MARF1: variants seen among roughly 807,000 people sequenced by gnomAD.
MARF1 encodes the protein meiosis regulator and mRNA stability factor 1.
In MARF1, 24 loss-of-function variants were observed where a neutral mutation model predicts 168.2. The observed-to-expected ratio is 0.14, with a 90% CI of 0.10 to 0.20. The LOEUF is 0.20. Among genes scored for constraint, MARF1 ranks in the 10% least tolerant of loss-of-function variants. The probability of loss-of-function intolerance (pLI) is 1.00; values close to 1 mark genes in which losing one functional copy is unlikely to be tolerated. For synonymous variants in MARF1, 868 were observed against 822.4 expected (o/e 1.06, Z -0.95); for missense variants, 1,744 against 2,143.6 (o/e 0.81, Z 3.68).
intron 13 of MARF1, among the ~76,000 whole-genome samples, 177 bp from the exon 14 acceptor site, chr16:15,617,712 C>T (rs1291191301): frequency 1.3e-5 from 2 of 152,180 alleles, no homozygotes; most frequent in Non-Finnish European, 2.9e-5. Context: ...ATGCTTGGTA[C>T]TCCTGAGTCG....
rs772881542 is a variant in MARF1 at position 15,604,304 on chromosome 16, C to G, written c.4277G>C (p.Trp1426Ser). Residue 1426 changes from tryptophan to serine, a missense_variant, in exon 22 of 27, where the codon TGG (tryptophan) becomes TCG (serine). Coordinates refer to ENST00000396368, the MANE Select transcript of MARF1 (RefSeq NM_014647.4). The stretch of plus-strand genomic sequence containing the variant: ...AACAGAAAGATGGGTGGTTCCTTCC[C>G]AAGACATCAACAATACCAGCAACTG... The part of the protein sequence containing the change: ...TAQLLVLLMS[W>S]EGTTHLSVEE... The G allele has an allele frequency of 6.2e-7, 1 of 1,614,076 alleles. No homozygotes were observed. Among genetic ancestry groups the G allele is most frequent in the South Asian group, 1.1e-5 (1 of 91,078 alleles).
intron 22 of MARF1, chr16:15,602,756 G>C (rs981250103): frequency 1.2e-5 from 5 of 409,730 alleles, no homozygotes; most frequent in African/African-American, 4.2e-5. Flanking sequence ...AAGAGACAGT[G>C]TGTGAGTAGG....
intron 21 of MARF1, 112 bp downstream of exon 21, chr16:15,608,179 C>T: frequency 1.5e-6 from 1 of 660,878 alleles, no homozygotes; most frequent in Non-Finnish European, 2.5e-6. Context: ...TTAAGTAGTT[C>T]AAGGTGTAAA....
At chr16:15,623,472 G>A (rs1376707523) in intron 10 of MARF1, among the ~76,000 whole-genome samples, 4 of 151,432 alleles carry the variant, frequency 2.6e-5, no homozygotes, top group Non-Finnish European at 5.9e-5. Flanking sequence ...GTAGAGATGG[G>A]GTTTTACCAT....
rs2031665410 is a variant in MARF1, at chr16:15,596,203, A to C, written c.*490T>G. On this transcript the variant is annotated 3_prime_UTR_variant, in exon 27 of 27. Transcript: ENST00000396368. ...GCCTACCCTTCTCCTTTGGTGTGTG[A>C]ACACACAGGCTAGCGGGACAGGCTT... 1 of 152,812 alleles carries C rather than the reference A, an allele frequency of 6.5e-6. No individual in the cohort carries two copies. Among genetic ancestry groups the C allele is most frequent in the Admixed American group, 6.5e-5 (1 of 15,288 alleles). The allele number at this position is 152,812 out of a possible 1,614,324, so 9.5% of individuals were successfully genotyped here.
At chr16:15,640,153 A>G (rs1005197772) in intron 1 of MARF1, among the ~76,000 whole-genome samples, 1 of 152,176 alleles carries the variant, frequency 6.6e-6, no homozygotes, top group Non-Finnish European at 1.5e-5. Flanking sequence ...CTCATTGACA[A>G]CTATATGTAA....
chr16:15,614,003 G>A (rs929096167), intron 16 of MARF1, among the ~76,000 whole-genome samples: 2 of 152,124 alleles, frequency 1.3e-5, no homozygotes, highest in East Asian at 1.9e-4. Flanking sequence ...AGCAGCCTTG[G>A]ATATCTGCAA....
In MARF1 at chr16:15,620,483, A is replaced by G. The variant is rs2034377625; in HGVS notation, c.2688T>C (p.Pro896=). The G allele has an allele frequency of 6.2e-7, 1 of 1,613,242 alleles. No individual in the cohort carries two copies. The highest frequency in any genetic ancestry group is 8.5e-7 in the Non-Finnish European group (1 of 1,179,456). The part of the protein sequence containing the change: ...VLQDAPACCL[P]LFKFTDIYEK... The stretch of plus-strand genomic sequence containing the variant: ...CATAGATATCTGTAAATTTAAACAG[A>G]GGCAGGCAACAGGCAGGGGCATCCT... Residue 896 remains proline, a synonymous_variant, in exon 13 of 27, where the codon CCT becomes CCC. Coordinates refer to ENST00000396368, the MANE Select transcript of MARF1 (RefSeq NM_014647.4).
chr16:15,628,462 T>C (rs1167886667), intron 7 of MARF1, among the ~76,000 whole-genome samples: 1 of 152,026 alleles, frequency 6.6e-6, no homozygotes, highest in Non-Finnish European at 1.5e-5. Flanking sequence ...CAGGCTGGAG[T>C]GCAGTGGTGT....
At chr16:15,606,896 ACAAG>A (rs2033063257) in intron 21 of MARF1, among the ~76,000 whole-genome samples, 1 of 151,836 alleles carries the variant, frequency 6.6e-6, no homozygotes, top group African/African-American at 2.4e-5. Context: ...CTCCATCTTC[ACAAG>A]CAGACAAACC....
At chr16:15,616,590 C>T (rs2034064242) in intron 15 of MARF1, among the ~76,000 whole-genome samples, 3 of 152,170 alleles carry the variant, frequency 2.0e-5, no homozygotes, top group South Asian at 2.1e-4. Flanking sequence ...TAAACAGTCA[C>T]GTGCTGCTTC....
intron 22 of MARF1, 169 bp from the exon 23 acceptor site, chr16:15,602,372 C>T (rs184752871): frequency 6.4e-6 from 4 of 624,442 alleles, no homozygotes; most frequent in South Asian, 2.0e-5. Context: ...ACAAAGATGA[C>T]GAAGAAGAAG....
chr16:15,601,059 G>T (rs1268210963), intron 23 of MARF1: 3 of 529,116 alleles, frequency 5.7e-6, no homozygotes, highest in Admixed American at 2.2e-5. Context: ...CCACCTAAAA[G>T]AATTAAGAGC....
Position 15,608,277 on chromosome 16 carries a change from AAAAAAAC to A in MARF1, c.4182+7_4182+13del. The A allele has an allele frequency of 6.7e-7, 1 of 1,487,426 alleles. No homozygotes were observed. Among genetic ancestry groups the A allele is most frequent in the South Asian group, 1.3e-5 (1 of 79,578 alleles). The allele number at this position is 1,487,426 out of a possible 1,614,324, so 92.1% of individuals were successfully genotyped here. ...CCATGAGGGAAAAAAAAAAAAAAAA[AAAAAAAC>A]ATTTACCTTCACGACATGGCAGAGT... On this transcript the variant is annotated splice_region_variant and intron_variant, in intron 21 of 26. Coordinates refer to ENST00000396368, the MANE Select transcript of MARF1 (RefSeq NM_014647.4).
At chr16:15,614,312 C>G (rs1050152015) in intron 16 of MARF1, among the ~76,000 whole-genome samples, 1 of 146,208 alleles carries the variant, frequency 6.8e-6, no homozygotes, top group Non-Finnish European at 1.5e-5. Flanking sequence ...GAAACCCTGT[C>G]TCTACTAAAA....
chr16:15,642,513 G>C (rs1683835665), intron 1 of MARF1: 1 of 152,340 alleles, frequency 6.6e-6, no homozygotes, highest in African/African-American at 2.4e-5. Flanking sequence ...TGGTAATACC[G>C]GAAAGGTGCT....
chr16:15,609,444 A>G (rs2033322419), intron 20 of MARF1, 79 bp downstream of exon 20: 1 of 1,195,466 alleles, frequency 8.4e-7, no homozygotes, highest in African/African-American at 1.5e-5. Flanking sequence ...TCCCAGAAAA[A>G]CAGGTCTGGA....
At chr16:15,602,316 A>G in intron 22 of MARF1, 113 bp from the exon 23 acceptor site, 1 of 807,874 alleles carries the variant, frequency 1.2e-6, no homozygotes. Context: ...AAGACAAAGA[A>G]GAAAAAGAAG....
At chr16:15,603,912 C>T (rs2032764660) in intron 22 of MARF1, among the ~76,000 whole-genome samples, 3 of 151,922 alleles carry the variant, frequency 2.0e-5, no homozygotes. Context: ...GAGCCAGGAT[C>T]AGGAGACCAG....
Sources: gnomAD v4.1 joint callset for allele counts (sites outside exome capture counted in the v4.1 genomes callset) on GRCh38, gnomAD v4.1.1 for gene constraint, MANE v1.5 for transcripts, NCBI Gene and HGNC (gene_info 2026-07-23, HGNC 2026-07-21) for gene names.